Variants in FRMD6 observed in about 807,000 individuals in gnomAD.
FRMD6 encodes the protein FERM domain containing 6, also known as FERM domain-containing protein 6.
Under a neutral mutation model 73.2 loss-of-function variants are expected in FRMD6, and 37 were observed. The observed-to-expected ratio is 0.51, with a 90% confidence interval of 0.39 to 0.66. The LOEUF (loss-of-function observed/expected upper bound fraction) is 0.66. Ranked by LOEUF, FRMD6 falls within the 30% of genes least tolerant of loss-of-function variation. FRMD6 has a pLI of 0.00. For missense variants in FRMD6, 714 were observed against 780.5 expected, an observed-to-expected ratio of 0.91 and a Z score of 1.02; for synonymous variants, 273 against 282.2, an observed-to-expected ratio of 0.97 and a Z score of 0.33.
the FRMD6 span, among the ~76,000 whole-genome samples, chr14:51,473,359 C>T: frequency 9.2e-5 from 14 of 152,282 alleles, no homozygotes; most frequent in Middle Eastern, 3.4e-3. Flanking sequence ...TCTAAGTAAC[C>T]GCGCATGGCC....
At chr14:51,658,477 A>G (rs973676712) in intron 1 of FRMD6, among the ~76,000 whole-genome samples, 2 of 152,292 alleles carry the variant, frequency 1.3e-5, no homozygotes, top group South Asian at 2.1e-4. Context: ...TGCTTTGTCA[A>G]TATTTTTGGA....
chr14:51,411,155 A>G, the FRMD6 span, among the ~76,000 whole-genome samples: 1 of 152,172 alleles, frequency 6.6e-6, no homozygotes, highest in Non-Finnish European at 1.5e-5. Flanking sequence ...CAGCCACTCC[A>G]CAGGCTGGCT....
chr14:51,412,494 G>GC, the FRMD6 span, among the ~76,000 whole-genome samples: 1 of 151,892 alleles, frequency 6.6e-6, no homozygotes, highest in South Asian at 2.1e-4. Context: ...GTAAGAGAGG[G>GC]GGAGGGAAAA....
At chr14:51,519,523 T>A (rs1001813207) in intron 1 of FRMD6, among the ~76,000 whole-genome samples, 2 of 152,216 alleles carry the variant, frequency 1.3e-5, no homozygotes, top group Non-Finnish European at 2.9e-5. Context: ...TTAGTTTTCC[T>A]AGCAGAAAGG....
the FRMD6 span, among the ~76,000 whole-genome samples, chr14:51,422,382 A>T: frequency 2.6e-5 from 4 of 152,170 alleles, no homozygotes; most frequent in Non-Finnish European, 4.4e-5. Context: ...TTTCTTTGCT[A>T]TAATTAGGAA....
At chr14:51,508,457 C>G (rs974776615) in intron 1 of FRMD6, among the ~76,000 whole-genome samples, 37 of 152,286 alleles carry the variant, frequency 2.4e-4, no homozygotes, top group Non-Finnish European at 5.0e-4. Context: ...TGTTTCCTTC[C>G]TTTCCCACAA....
At chr14:51,689,646 CT>C in intron 1 of FRMD6, 44 bp from the exon 2 acceptor site, 1 of 596,298 alleles carries the variant, frequency 1.7e-6, no homozygotes, top group Non-Finnish European at 3.0e-6. Flanking sequence ...TCTTCGCAGT[CT>C]TCACCGCCTT....
At chr14:51,660,966 C>G (rs1185002871) in intron 1 of FRMD6, among the ~76,000 whole-genome samples, 2 of 152,070 alleles carry the variant, frequency 1.3e-5, no homozygotes, top group Non-Finnish European at 2.9e-5. Flanking sequence ...TGGTGGAGCA[C>G]TGAGAGCAGG....
chr14:51,715,267 G>T, intron 9 of FRMD6, 58 bp from the exon 10 acceptor site: 1 of 1,320,318 alleles, frequency 7.6e-7, no homozygotes, highest in Non-Finnish European at 1.0e-6. Context: ...AAACAAAGGG[G>T]ACTTTGGCAA....
At chr14:51,441,208 C>G in the FRMD6 span, among the ~76,000 whole-genome samples, 1 of 152,350 alleles carries the variant, frequency 6.6e-6, no homozygotes, top group Non-Finnish European at 1.5e-5. Flanking sequence ...ACATTGTATG[C>G]TAAGTATCAG....
At chr14:51,505,750 C>G (rs182735780) in intron 1 of FRMD6, among the ~76,000 whole-genome samples, 1 of 152,270 alleles carries the variant, frequency 6.6e-6, no homozygotes, top group East Asian at 1.9e-4. Flanking sequence ...CTAATCCAAG[C>G]CTTTTTGAAT....
the FRMD6 span, among the ~76,000 whole-genome samples, chr14:51,397,864 A>AT: frequency 6.6e-6 from 1 of 152,174 alleles, no homozygotes; most frequent in Non-Finnish European, 1.5e-5. Context: ...ACATAAATGA[A>AT]TTTTTTGTTC....
chr14:51,730,536 A>G lies in FRMD6; in HGVS notation c.*2507A>G, dbSNP rs1470418703. On this transcript the variant is annotated 3_prime_UTR_variant, in exon 14 of 14. Coordinates refer to ENST00000344768, the MANE Select transcript of FRMD6 (RefSeq NM_001267046.2). Reference sequence around the variant, plus strand: ...GTTTTGGTATATATTGCCTCTGCACATCTACATTTGTATATGCAACAGTGA... The same window carrying G: ...GTTTTGGTATATATTGCCTCTGCACGTCTACATTTGTATATGCAACAGTGA... 1 of 152,646 alleles carries G rather than the reference A, an allele frequency of 6.6e-6. No homozygotes were observed. Among genetic ancestry groups the G allele is most frequent in the Non-Finnish European group, 1.5e-5 (1 of 68,042 alleles). The allele number at this position is 152,646 out of a possible 1,614,324, so 9.5% of individuals were successfully genotyped here.
intron 2 of FRMD6, among the ~76,000 whole-genome samples, chr14:51,613,998 A>G (rs1890615100): frequency 6.6e-6 from 1 of 152,128 alleles, no homozygotes; most frequent in Non-Finnish European, 1.5e-5. Context: ...CGTACCACAC[A>G]CCTCAATTGA....
chr14:51,585,496 A>G (rs1465115), intron 2 of FRMD6, among the ~76,000 whole-genome samples: 126,148 of 152,040 alleles, frequency 0.83, 54,244 homozygotes, highest in Non-Finnish European at 0.94. Context: ...CTGAAGCAAG[A>G]CCAAGAAGGG....
chr14:51,466,846 T>C, the FRMD6 span, among the ~76,000 whole-genome samples: 1 of 152,238 alleles, frequency 6.6e-6, no homozygotes, highest in African/African-American at 2.4e-5. Context: ...ATCATAACCA[T>C]GTTGAGTCTT....
At chr14:51,633,157 T>C (rs1281195954) in intron 2 of FRMD6, among the ~76,000 whole-genome samples, 1 of 152,192 alleles carries the variant, frequency 6.6e-6, no homozygotes, top group Non-Finnish European at 1.5e-5. Context: ...ACAAGTCTTT[T>C]TATAGTTTCA....
the FRMD6 span, among the ~76,000 whole-genome samples, chr14:51,464,583 G>C: frequency 3.3e-5 from 5 of 152,112 alleles, no homozygotes; most frequent in Non-Finnish European, 7.4e-5. Flanking sequence ...GGAGAACTGG[G>C]TTAGCAAAAA....
the FRMD6 span, among the ~76,000 whole-genome samples, chr14:51,480,602 T>C: frequency 1.9e-3 from 295 of 152,338 alleles, no homozygotes; most frequent in African/African-American, 6.8e-3. Context: ...ATCATGTTTA[T>C]ATACAATGAC....
Sources: allele counts gnomAD v4.1 joint callset (sites outside exome capture counted in the v4.1 genomes callset), GRCh38; gene constraint gnomAD v4.1.1; transcripts MANE v1.5; gene names NCBI Gene and HGNC (gene_info 2026-07-23, HGNC 2026-07-21).